Variants in EYS observed in about 807,000 individuals in gnomAD.
EYS encodes the protein EGF-like photoreceptor maintenance factor, also known as protein eyes shut homolog.
In EYS, 250 loss-of-function variants were observed where a neutral mutation model predicts 282.1. The observed-to-expected ratio is 0.89, with a 90% CI of 0.80 to 0.98. The LOEUF is 0.98. EYS is among the 50% of genes least tolerant of loss of function. EYS has a pLI of 0.00. For missense variants in EYS, 4,016 were observed against 3,709.0 expected (o/e 1.08, Z -2.15); for synonymous variants, 1,355 against 1,282.9 (o/e 1.06, Z -1.20).
intron 40 of EYS, among the ~76,000 whole-genome samples, chr6:63,771,945 T>C (rs1207730933): frequency 1.3e-5 from 2 of 152,182 alleles, no homozygotes; most frequent in Non-Finnish European, 2.9e-5. Flanking sequence ...ATAGTTGTCT[T>C]TGTTAACATT....
chr6:63,947,740 G>A (rs1379680969), intron 35 of EYS, among the ~76,000 whole-genome samples: 1 of 152,014 alleles, frequency 6.6e-6, no homozygotes, highest in Non-Finnish European at 1.5e-5. Flanking sequence ...CGCATAATAA[G>A]CAATTAGAAA....
chr6:63,760,913 G>A (rs10223732), intron 41 of EYS, among the ~76,000 whole-genome samples: 3,319 of 151,822 alleles, frequency 0.022, 110 homozygotes, highest in African/African-American at 0.077. Flanking sequence ...ATTTCTAAAA[G>A]CTATTCCTTT....
At chr6:64,601,394 A>C (rs1327495932) in intron 24 of EYS, among the ~76,000 whole-genome samples, 1 of 151,412 alleles carries the variant, frequency 6.6e-6, no homozygotes, top group Non-Finnish European at 1.5e-5. Context: ...CCATTCTAAC[A>C]TGTTCCTCCA....
At chr6:64,382,498 C>T (rs906480167) in intron 29 of EYS, among the ~76,000 whole-genome samples, 5 of 152,188 alleles carry the variant, frequency 3.3e-5, no homozygotes, top group African/African-American at 1.2e-4. Context: ...AAGTCTGAGG[C>T]TGATGTTTGA....
chr6:64,684,512 A>G (rs1001664463), intron 22 of EYS, among the ~76,000 whole-genome samples: 1 of 151,992 alleles, frequency 6.6e-6, no homozygotes, highest in African/African-American at 2.4e-5. Flanking sequence ...ATTTGTAGGT[A>G]AAGTCTTATA....
intron 1 of EYS, among the ~76,000 whole-genome samples, chr6:65,697,928 C>T (rs114515616): frequency 0.013 from 1,956 of 152,156 alleles, 33 homozygotes; most frequent in African/African-American, 0.041. Flanking sequence ...TGCTGTACTA[C>T]CACAATTAGT....
rs563266606 is a variant in EYS, at chr6:64,624,141, G to A, written c.3568+1980C>T. ...TTTTGAATAACGCCTAGCAATACAGGTGGTATCATTTTGAGATCTTCTGCT... is the reference window on the plus strand; with the variant it reads ...TTTTGAATAACGCCTAGCAATACAGATGGTATCATTTTGAGATCTTCTGCT... On this transcript the variant is annotated intron_variant, in intron 23 of 42. Coordinates refer to ENST00000503581, the MANE Select transcript of EYS (RefSeq NM_001142800.2). Among the ~76,000 whole-genome samples, 12 of 152,200 alleles carry A rather than the reference G, an allele frequency of 7.9e-5. No individual in the cohort carries two copies. The East Asian group carries it at 2.3e-3, about 29-fold the overall frequency.
At chr6:64,643,263 G>T (rs539960967) in intron 22 of EYS, among the ~76,000 whole-genome samples, 1 of 152,088 alleles carries the variant, frequency 6.6e-6, no homozygotes, top group African/African-American at 2.4e-5. Context: ...TAGATATCAG[G>T]TCAGTGCAAA....
At chr6:64,508,757 C>T (rs1171293257) in intron 26 of EYS, among the ~76,000 whole-genome samples, 3 of 151,778 alleles carry the variant, frequency 2.0e-5, no homozygotes, top group Admixed American at 1.3e-4. Flanking sequence ...AAGTGATCAC[C>T]AATGTTAAGT....
At chr6:64,811,099 C>CT (rs1205226759) in intron 22 of EYS, among the ~76,000 whole-genome samples, 2 of 152,056 alleles carry the variant, frequency 1.3e-5, no homozygotes, top group African/African-American at 4.8e-5. Context: ...TTGAAAAGCA[C>CT]TACCTTCTAT....
intron 12 of EYS, among the ~76,000 whole-genome samples, chr6:65,294,157 G>T (rs2150285082): frequency 6.6e-6 from 1 of 151,868 alleles, no homozygotes; most frequent in Admixed American, 6.6e-5. Context: ...GATAGAGGAA[G>T]AGAAGGGGGC....
intron 2 of EYS, among the ~76,000 whole-genome samples, chr6:65,512,985 A>G (rs1218631670): frequency 6.6e-6 from 1 of 152,208 alleles, no homozygotes; most frequent in Non-Finnish European, 1.5e-5. Flanking sequence ...CCTTCAAAAA[A>G]TTAATGAATC....
chr6:65,049,579 T>C (rs1165564849), intron 13 of EYS, among the ~76,000 whole-genome samples: 1 of 151,522 alleles, frequency 6.6e-6, no homozygotes, highest in Admixed American at 6.6e-5. Flanking sequence ...AGTTTAAGGG[T>C]GAGTATTGTG....
chr6:63,729,793 T>G (rs1316767325), intron 41 of EYS, among the ~76,000 whole-genome samples: 1 of 152,180 alleles, frequency 6.6e-6, no homozygotes, highest in Non-Finnish European at 1.5e-5. Context: ...TTATAAATTT[T>G]ATAATTCCTC....
At chr6:65,386,769 G>A (rs1247482037) in intron 7 of EYS, among the ~76,000 whole-genome samples, 13 of 151,850 alleles carry the variant, frequency 8.6e-5, no homozygotes, top group South Asian at 2.1e-4. Context: ...TTTAGTCAGA[G>A]GCCAATTGTT....
rs955526009 is a variant in EYS, at chr6:64,617,470, A to G, written c.3632T>C (p.Leu1211Pro). The G allele has an allele frequency of 9.9e-5, 153 of 1,550,858 alleles. No homozygotes were observed. In the Admixed American group the frequency reaches 1.1e-3, roughly 11 times the overall value. ...ECIPNSCVHE[L>P]CMENEPGSTC... ...CGAGCCAGGTTCATTCTCCATGCAG[A>G]GTTCATGAACACATGAGTTGGGAAT... Residue 1211 changes from leucine (L) to proline (P), a missense_variant, in exon 24 of 43, where the codon CTC becomes CCC. Coordinates refer to ENST00000503581, the MANE Select transcript of EYS (RefSeq NM_001142800.2).
chr6:63,885,739 C>T (rs1773246307), intron 35 of EYS, among the ~76,000 whole-genome samples: 1 of 152,104 alleles, frequency 6.6e-6, no homozygotes, highest in Non-Finnish European at 1.5e-5. Flanking sequence ...TAGAGATACA[C>T]AGCTTTGATG....
At chr6:65,296,608 A>G (rs1388507608) in intron 11 of EYS, among the ~76,000 whole-genome samples, 1 of 151,856 alleles carries the variant, frequency 6.6e-6, no homozygotes, top group Non-Finnish European at 1.5e-5. Flanking sequence ...CTGTAAGGCA[A>G]TGCCAGGTAT....
intron 31 of EYS, among the ~76,000 whole-genome samples, chr6:64,197,770 ATT>A (rs5876882): frequency 1.0e-4 from 15 of 149,616 alleles, no homozygotes; most frequent in South Asian, 2.1e-4. Flanking sequence ...TTTAGGATTG[ATT>A]TTTTTTTTTG....
Sources: allele counts gnomAD v4.1 joint callset (sites outside exome capture counted in the v4.1 genomes callset), GRCh38; gene constraint gnomAD v4.1.1; transcripts MANE v1.5; gene names NCBI Gene and HGNC (gene_info 2026-07-23, HGNC 2026-07-21).